NUP210: variants seen among roughly 807,000 people sequenced by gnomAD.
The protein encoded by NUP210 is nucleoporin 210, also known as nuclear pore membrane glycoprotein 210.
Under a neutral mutation model 196.0 loss-of-function variants are expected in NUP210, and 151 were observed. The ratio of observed to expected loss-of-function variants is 0.77; its 90% CI spans 0.67 to 0.88. The LOEUF (loss-of-function observed/expected upper bound fraction) is 0.88, where lower values mean the gene tolerates loss of function less well. Ranked by LOEUF, NUP210 falls within the 40% of genes least tolerant of loss-of-function variation. NUP210 has a pLI of 0.00. For missense variants in NUP210, 2,314 were observed against 2,493.7 expected (o/e 0.93, Z 1.53); for synonymous variants, 1,070 against 1,052.7 (o/e 1.02, Z -0.32).
In NUP210 at chr3:13,365,986, A is replaced by T; in HGVS notation, c.1892T>A (p.Leu631Gln). 1 of 1,614,222 alleles carries T rather than the reference A, an allele frequency of 6.2e-7. No individual in the cohort carries two copies. The highest frequency in any genetic ancestry group is 8.5e-7 in the Non-Finnish European group (1 of 1,180,030). ...LVSYRHGHVHLSAKITIAAYL... is the reference protein window; with the variant it reads ...LVSYRHGHVHQSAKITIAAYL... The stretch of plus-strand genomic sequence containing the variant: ...GGCAGCAATGGTGATCTTGGCACTC[A>T]GGTGGACGTGGCCGTGTCTGTAGCT... The change falls in exon 14 of 40, where the codon CTG becomes CAG. Residue 631 changes from leucine (L) to glutamine (Q), a missense_variant. Transcript: ENST00000254508.
At chr3:13,344,276 G>A (rs1002440042) in intron 20 of NUP210, among the ~76,000 whole-genome samples, 2 of 152,222 alleles carry the variant, frequency 1.3e-5, no homozygotes, top group African/African-American at 4.8e-5. Context: ...ATTCACACAA[G>A]TAACATGTCT....
intron 12 of NUP210, among the ~76,000 whole-genome samples, chr3:13,372,718 C>T (rs760636157): frequency 6.6e-6 from 1 of 152,180 alleles, no homozygotes; most frequent in Non-Finnish European, 1.5e-5. Flanking sequence ...CTCAACCCCA[C>T]TCACCTGGCG....
intron 6 of NUP210, among the ~76,000 whole-genome samples, chr3:13,380,448 G>T (rs1353060999): frequency 6.6e-6 from 1 of 152,184 alleles, no homozygotes; most frequent in Non-Finnish European, 1.5e-5. Context: ...ACACGCTACT[G>T]AGAGCCACAT....
At chr3:13,415,010 G>A (rs1700299243) in intron 1 of NUP210, among the ~76,000 whole-genome samples, 1 of 152,142 alleles carries the variant, frequency 6.6e-6, no homozygotes, top group Admixed American at 6.5e-5. Context: ...GGCTGAGGCG[G>A]GTAGATCACA....
In NUP210 at chr3:13,340,181, A is replaced by T. The variant is rs1697408517; in HGVS notation, c.3291+55T>A. 6.2e-7 allele frequency: 1 copy of T among 1,610,180 alleles called. No individual in the cohort carries two copies. Among genetic ancestry groups the T allele is most frequent in the Non-Finnish European group, 8.5e-7 (1 of 1,177,418 alleles). The stretch of plus-strand genomic sequence containing the variant: ...CAGGGCCAGAGGCGGCGTGCCTGGA[A>T]CCAGGTGGTGGCCTGCACTGGGGCT... On this transcript the variant is annotated intron_variant, in intron 24 of 39. Transcript: ENST00000254508. This position sits in a 1 kb window ranked among gnomAD's most constrained non-coding sequence, Gnocchi z 4.0.
chr3:13,335,191 C>T (rs1697159107), intron 28 of NUP210, among the ~76,000 whole-genome samples: 1 of 152,218 alleles, frequency 6.6e-6, no homozygotes, highest in African/African-American at 2.4e-5. Context: ...CAAGTGAGTT[C>T]CCACCTCCAG....
intron 1 of NUP210, among the ~76,000 whole-genome samples, chr3:13,403,221 A>G (rs955532995): frequency 9.2e-5 from 14 of 152,298 alleles, no homozygotes; most frequent in African/African-American, 3.4e-4. Flanking sequence ...AACATCACAA[A>G]CAGGGTTTTT....
At chr3:13,377,406 G>C (rs369808887) in intron 9 of NUP210, 50 bp downstream of exon 9, 1 of 1,383,676 alleles carries the variant, frequency 7.2e-7, no homozygotes, top group East Asian at 2.3e-5. Context: ...AGCCGCGTCA[G>C]ACAACGACCC....
At chr3:13,319,362 A>T in intron 37 of NUP210, 37 bp from the exon 38 acceptor site, 2 of 1,533,764 alleles carry the variant, frequency 1.3e-6, no homozygotes, top group Non-Finnish European at 1.8e-6. Context: ...CAAAACCACC[A>T]GGCCCACTGT....
rs1347301106 is a variant in NUP210, at chr3:13,323,449, G to A, written c.4645-17C>T. 2 of 1,613,486 alleles carry A rather than the reference G, an allele frequency of 1.2e-6. No individual in the cohort carries two copies. The highest frequency in any genetic ancestry group is 2.7e-5 in the African/African-American group (2 of 74,896). On this transcript the variant is annotated splice_polypyrimidine_tract_variant and intron_variant, in intron 33 of 39. Coordinates refer to ENST00000254508, the MANE Select transcript of NUP210 (RefSeq NM_024923.4). The surrounding 1 kb of genome is among the most constrained non-coding windows in gnomAD (Gnocchi z 4.3). ...GACCACCACCTAGAGAGGGAGCCAA[G>A]GAAGCTTCATGGAGCGCCGCCTGTG...
chr3:13,345,175 C>T, intron 20 of NUP210: 2 of 985,450 alleles, frequency 2.0e-6, no homozygotes, highest in Non-Finnish European at 2.4e-6. Flanking sequence ...CCTGGTGCTC[C>T]AGCCTGCTCA....
At chr3:13,417,677 T>C (rs1700391075) in intron 1 of NUP210, among the ~76,000 whole-genome samples, 1 of 152,160 alleles carries the variant, frequency 6.6e-6, no homozygotes, top group Admixed American at 6.5e-5. Context: ...TGTCTTCCTG[T>C]CAAGTTAAGG....
At chr3:13,328,631 C>A in intron 31 of NUP210, 140 bp downstream of exon 31, 1 of 795,608 alleles carries the variant, frequency 1.3e-6, no homozygotes, top group South Asian at 1.7e-5. Flanking sequence ...CTGCATGGTG[C>A]AGCATGCCCA....
intron 1 of NUP210, among the ~76,000 whole-genome samples, chr3:13,410,250 G>A (rs888004041): frequency 1.3e-5 from 2 of 150,770 alleles, no homozygotes; most frequent in African/African-American, 2.4e-5. Context: ...AGACAATCTC[G>A]GCTCACCGCA....
At chr3:13,380,535 C>T (rs1422143409) in intron 6 of NUP210, among the ~76,000 whole-genome samples, 1 of 152,218 alleles carries the variant, frequency 6.6e-6, no homozygotes, top group Admixed American at 6.5e-5. Context: ...ACAGAGCTGG[C>T]GTTCTGATCC....
At chr3:13,386,103 G>A (rs796610255) in intron 6 of NUP210, among the ~76,000 whole-genome samples, 172 bp downstream of exon 6, 24 of 152,320 alleles carry the variant, frequency 1.6e-4, no homozygotes, top group African/African-American at 5.3e-4. Context: ...GAAGATGAAC[G>A]AGTTCTGTGG....
chr3:13,391,042 T>A (rs777446825), intron 4 of NUP210, among the ~76,000 whole-genome samples, 169 bp downstream of exon 4: 12 of 152,146 alleles, frequency 7.9e-5, no homozygotes, highest in Non-Finnish European at 1.5e-4. Context: ...CACAATGGTG[T>A]GAGTGGATCC....
intron 4 of NUP210, 104 bp from the exon 5 acceptor site, chr3:13,388,557 T>C: frequency 1.6e-6 from 2 of 1,247,564 alleles, no homozygotes; most frequent in South Asian, 1.6e-5. Context: ...CTGGGGCTGA[T>C]GCTGAAATAA....
intron 9 of NUP210, among the ~76,000 whole-genome samples, chr3:13,377,159 C>T (rs940399459): frequency 6.6e-6 from 1 of 152,124 alleles, no homozygotes; most frequent in Non-Finnish European, 1.5e-5. Context: ...GGGAGAGTGG[C>T]GGGCAGAGAC....
Sources: allele counts gnomAD v4.1 joint callset (sites outside exome capture counted in the v4.1 genomes callset), GRCh38; gene constraint gnomAD v4.1.1; non-coding constraint Gnocchi (gnomAD v3.1); transcripts MANE v1.5; gene names NCBI Gene and HGNC (gene_info 2026-07-23, HGNC 2026-07-21).